The following MACROD2 variants were observed in gnomAD, a reference collection of about 807,000 sequenced individuals.
MACROD2 encodes ADP-ribose glycohydrolase MACROD2.
In MACROD2, 36 loss-of-function variants were observed where a neutral mutation model predicts 70.4. The ratio of observed to expected loss-of-function variants is 0.51; its 90% CI spans 0.39 to 0.68. The LOEUF is 0.68. Among genes scored for constraint, MACROD2 ranks in the 30% least tolerant of loss-of-function variants. The pLI is 0.00. For synonymous variants in MACROD2, 172 were observed against 178.8 expected, an observed-to-expected ratio of 0.96 and a Z score of 0.30; for missense variants, 496 against 538.4, an observed-to-expected ratio of 0.92 and a Z score of 0.78.
At chr20:14,766,173 G>A (rs529346454) in intron 5 of MACROD2, among the ~76,000 whole-genome samples, 8 of 151,994 alleles carry the variant, frequency 5.3e-5, no homozygotes, top group Non-Finnish European at 1.2e-4. Context: ...AGTCATTATA[G>A]GTTTATTCTC....
chr20:15,727,473 A>G (rs2050881915), intron 8 of MACROD2, among the ~76,000 whole-genome samples: 2 of 152,112 alleles, frequency 1.3e-5, no homozygotes, highest in African/African-American at 2.4e-5. Flanking sequence ...GATTCTGTGA[A>G]GAATATCATT....
At chr20:14,480,545 A>C (rs1471871798) in intron 3 of MACROD2, among the ~76,000 whole-genome samples, 2 of 152,104 alleles carry the variant, frequency 1.3e-5, no homozygotes, top group African/African-American at 4.8e-5. Flanking sequence ...AGATTTGTTA[A>C]ATAATAATAA....
At chr20:15,068,916 A>G (rs1284682615) in intron 5 of MACROD2, among the ~76,000 whole-genome samples, 2 of 152,224 alleles carry the variant, frequency 1.3e-5, no homozygotes, top group Admixed American at 1.3e-4. Context: ...TGGAAGGCTT[A>G]GAAAAAGACA....
At chr20:15,448,069 T>C (rs987250497) in intron 7 of MACROD2, among the ~76,000 whole-genome samples, 2 of 152,104 alleles carry the variant, frequency 1.3e-5, no homozygotes, top group African/African-American at 4.8e-5. Context: ...TCACCATTAG[T>C]AATGTCAAGT....
chr20:14,571,107 A>C (rs904078767), intron 4 of MACROD2, among the ~76,000 whole-genome samples: 2 of 152,086 alleles, frequency 1.3e-5, no homozygotes, highest in Non-Finnish European at 2.9e-5. Context: ...AGTACCTTCG[A>C]AGATGCTCAG....
intron 4 of MACROD2, among the ~76,000 whole-genome samples, chr20:14,680,789 A>T (rs2070922560): frequency 6.6e-6 from 1 of 152,172 alleles, no homozygotes; most frequent in Admixed American, 6.5e-5. Context: ...TAAGGAATTT[A>T]CATGACTAGA....
intron 4 of MACROD2, among the ~76,000 whole-genome samples, chr20:14,506,883 G>A (rs901559316): frequency 6.6e-6 from 1 of 152,114 alleles, no homozygotes; most frequent in Non-Finnish European, 1.5e-5. Flanking sequence ...CCCAGGAGGC[G>A]GAGGTTGCAG....
At chr20:15,182,953 A>G (rs2076510390) in intron 5 of MACROD2, among the ~76,000 whole-genome samples, 1 of 152,046 alleles carries the variant, frequency 6.6e-6, no homozygotes, top group Non-Finnish European at 1.5e-5. Flanking sequence ...TCAATTCATC[A>G]TTTTTTCCAG....
rs1600632456 is a variant in MACROD2 at position 14,757,683 on chromosome 20, A to G, written c.418+72724A>G. The stretch of plus-strand genomic sequence containing the variant: ...GAGCTGTCAGACAAGAATGTGTCCA[A>G]CCTTCCTGTCATAAAGGCCATGCAG... On this transcript the variant is annotated intron_variant, in intron 5 of 17. Coordinates refer to ENST00000684519, the MANE Select transcript of MACROD2 (RefSeq NM_001351661.2). 4 of 1,415,466 alleles carry G rather than the reference A, an allele frequency of 2.8e-6. No homozygotes were observed. In the East Asian group the frequency reaches 9.1e-5, roughly 32 times the overall value. 87.7% of individuals were successfully genotyped at this position (1,415,466 alleles called of 1,614,324 possible).
chr20:13,999,572 T>A (rs1413690383), intron 1 of MACROD2, among the ~76,000 whole-genome samples: 1 of 152,214 alleles, frequency 6.6e-6, no homozygotes, highest in Non-Finnish European at 1.5e-5. Context: ...ACCAGTTGCC[T>A]GGGTTTGAGT....
intron 3 of MACROD2, among the ~76,000 whole-genome samples, chr20:14,214,306 C>A (rs1210416588): frequency 6.6e-6 from 1 of 152,038 alleles, no homozygotes; most frequent in Non-Finnish European, 1.5e-5. Context: ...AAAACAAAAA[C>A]AAAAACAGAG....
In MACROD2 at chr20:14,769,781, C is replaced by T. The variant is rs375251262; in HGVS notation, c.418+84822C>T. Among the ~76,000 whole-genome samples, 164 of 152,112 alleles carry T rather than the reference C, an allele frequency of 1.1e-3. 1 individual carries two copies. The highest frequency in any genetic ancestry group is 3.3e-3 in the African/African-American group (138 of 41,468). ...GCACAAATATTGCATTTTTGGAGTA[C>T]GGCTATGCTGTGTGTCAAAAACCTA... On this transcript the variant is annotated intron_variant, in intron 5 of 17. Transcript: ENST00000684519.
intron 6 of MACROD2, among the ~76,000 whole-genome samples, chr20:15,290,697 C>T (rs1174083583): frequency 6.6e-6 from 1 of 152,184 alleles, no homozygotes; most frequent in Non-Finnish European, 1.5e-5. Flanking sequence ...AGATACAAGC[C>T]AGCATTACAA....
At chr20:15,663,452 TC>T (rs1451928538) in intron 8 of MACROD2, among the ~76,000 whole-genome samples, 1 of 151,956 alleles carries the variant, frequency 6.6e-6, no homozygotes, top group African/African-American at 2.4e-5. Flanking sequence ...CCTAGGCTGG[TC>T]TTGAACTCCT....
intron 5 of MACROD2, chr20:14,933,745 T>A (rs1352518310): frequency 1.3e-5 from 2 of 152,154 alleles, no homozygotes; most frequent in African/African-American, 4.8e-5. Context: ...AAAATTAATA[T>A]CTGCAGAAAA....
intron 8 of MACROD2, among the ~76,000 whole-genome samples, chr20:15,572,299 G>C (rs1430803545): frequency 6.6e-6 from 1 of 152,032 alleles, no homozygotes; most frequent in Admixed American, 6.6e-5. Flanking sequence ...TAGCCACCAA[G>C]AGAATTTCTT....
chr20:14,749,499 G>C (rs2071842002), intron 5 of MACROD2, among the ~76,000 whole-genome samples: 1 of 152,032 alleles, frequency 6.6e-6, no homozygotes. Context: ...TATTTTAACT[G>C]TAGAAAATTC....
intron 3 of MACROD2, among the ~76,000 whole-genome samples, chr20:14,426,906 A>T (rs949372150): frequency 3.3e-5 from 5 of 152,106 alleles, no homozygotes; most frequent in Non-Finnish European, 7.4e-5. Context: ...ATGAAGAGGG[A>T]CATTTAACTG....
intron 8 of MACROD2, among the ~76,000 whole-genome samples, chr20:15,778,524 T>C (rs1283613666): frequency 2.0e-5 from 3 of 152,166 alleles, no homozygotes; most frequent in Non-Finnish European, 4.4e-5. Context: ...CAGGGCAATT[T>C]CTGCTTCACA....
Sources: allele counts gnomAD v4.1 joint callset (sites outside exome capture counted in the v4.1 genomes callset), GRCh38; gene constraint gnomAD v4.1.1; transcripts MANE v1.5; gene names NCBI Gene and HGNC (gene_info 2026-07-23, HGNC 2026-07-21).